Variants in KIRREL3 observed in about 807,000 individuals in gnomAD.
KIRREL3 encodes the protein kin of IRRE-like protein 3.
Under a neutral mutation model 89.7 loss-of-function variants are expected in KIRREL3, and 36 were observed. That is an observed-to-expected ratio of 0.40 (90% CI 0.31 to 0.53). The LOEUF (loss-of-function observed/expected upper bound fraction) is 0.53, where lower values mean the gene tolerates loss of function less well. Among genes scored for constraint, KIRREL3 ranks in the 20% least tolerant of loss-of-function variants. The pLI is 0.49. For missense variants in KIRREL3, 864 were observed against 1,056.6 expected, an observed-to-expected ratio of 0.82 and a Z score of 2.53; for synonymous variants, 445 against 441.4, an observed-to-expected ratio of 1.01 and a Z score of -0.10.
At chr11:126,632,779 G>GCAAC in intron 1 of KIRREL3, among the ~76,000 whole-genome samples, 1 of 141,568 alleles carries the variant, frequency 7.1e-6, no homozygotes, top group African/African-American at 2.8e-5. Context: ...CCAGGCACTT[G>GCAAC]GAGTCTAAAC....
rs1041850342 is a variant in KIRREL3, at chr11:126,977,650, G to A, written c.55+22805C>T. Among the ~76,000 whole-genome samples, 5 of 152,190 alleles carry A rather than the reference G, an allele frequency of 3.3e-5. No individual in the cohort carries two copies. Among genetic ancestry groups the A allele is most frequent in the African/African-American group, 9.7e-5 (4 of 41,448 alleles). Reference sequence around the variant, plus strand: ...AATGCCTGGCACATAGTGGGTGTTCGATAAATATTTGTTGAAAAAGTGAAA... The same window carrying A: ...AATGCCTGGCACATAGTGGGTGTTCAATAAATATTTGTTGAAAAAGTGAAA... On this transcript the variant is annotated intron_variant, in intron 1 of 16. Coordinates refer to ENST00000525144, the MANE Select transcript of KIRREL3 (RefSeq NM_032531.4). This position sits in a 1 kb window ranked among gnomAD's most constrained non-coding sequence, Gnocchi z 4.7.
At position 126,946,607 on chromosome 11, in the gene KIRREL3, G is replaced by A. The variant is rs368031504; in HGVS notation, c.55+53848C>T. 6.6e-6 allele frequency among the ~76,000 whole-genome samples: 1 copy of A among 152,094 alleles called. No individual in the cohort carries two copies. Among genetic ancestry groups the A allele is most frequent in the Non-Finnish European group, 1.5e-5 (1 of 68,022 alleles). Reference sequence around the variant, plus strand: ...TGTTTTATGTCAGTTACTATGATAAGAGCTCATAAAATATGTCCCAATATC... The same window carrying A: ...TGTTTTATGTCAGTTACTATGATAAAAGCTCATAAAATATGTCCCAATATC... On this transcript the variant is annotated intron_variant, in intron 1 of 16. Coordinates refer to ENST00000525144, the MANE Select transcript of KIRREL3 (RefSeq NM_032531.4). This position sits in a 1 kb window ranked among gnomAD's most constrained non-coding sequence, Gnocchi z 4.1.
rs184090853 is a variant in KIRREL3 at position 126,484,442 on chromosome 11, G to C, written c.434-10976C>G. On this transcript the variant is annotated intron_variant, in intron 4 of 16. Transcript: ENST00000525144. The surrounding 1 kb of genome is among the most constrained non-coding windows in gnomAD (Gnocchi z 5.2). ...CTTTAATCCTCACAGCTCTATATAA[G>C]GTAGATACAATGACGATGCATATTT... Among the ~76,000 whole-genome samples, 7 of 152,298 alleles carry C rather than the reference G, an allele frequency of 4.6e-5. No homozygotes were observed. The highest frequency in any genetic ancestry group is 6.5e-5 in the Admixed American group (1 of 15,298).
In KIRREL3 at chr11:126,566,960, C is replaced by T. The variant is rs571797784; in HGVS notation, c.56-4048G>A. ...CAACACACTAGCTGGTGATAGTGCCCATGCTGGAACCCATGGCTGATTTTT... is the reference window on the plus strand; with the variant it reads ...CAACACACTAGCTGGTGATAGTGCCTATGCTGGAACCCATGGCTGATTTTT... On this transcript the variant is annotated intron_variant, in intron 1 of 16. Transcript: ENST00000525144. The surrounding 1 kb of genome is among the most constrained non-coding windows in gnomAD (Gnocchi z 4.9). Among the ~76,000 whole-genome samples the T allele has an allele frequency of 6.6e-6, 1 of 152,160 alleles. No individual in the cohort carries two copies.
intron 1 of KIRREL3, among the ~76,000 whole-genome samples, chr11:126,592,887 TGCAGGCTGCC>T (rs1942213313): frequency 6.6e-6 from 1 of 151,976 alleles, no homozygotes. Context: ...AGAGAACCGA[TGCAGGCTGCC>T]GCTGGGAGCA....
intron 4 of KIRREL3, among the ~76,000 whole-genome samples, chr11:126,488,246 C>T (rs1957419228): frequency 6.6e-6 from 1 of 152,220 alleles, no homozygotes; most frequent in African/African-American, 2.4e-5. Flanking sequence ...TGGGGCCACC[C>T]AGGCCCCTGC....
chr11:126,740,630 T>C lies in KIRREL3; in HGVS notation c.56-177718A>G, dbSNP rs1397557426. Reference sequence around the variant, plus strand: ...GGAAGGCCAATAAGATAATAATCCCTTAGCTTGACTGTGGCTCCAAGGGGG... The same window carrying C: ...GGAAGGCCAATAAGATAATAATCCCCTAGCTTGACTGTGGCTCCAAGGGGG... On this transcript the variant is annotated intron_variant, in intron 1 of 16. Transcript: ENST00000525144. This position sits in a 1 kb window ranked among gnomAD's most constrained non-coding sequence, Gnocchi z 6.0. 6.6e-6 allele frequency among the ~76,000 whole-genome samples: 1 copy of C among 152,126 alleles called. No individual in the cohort carries two copies. Among genetic ancestry groups the C allele is most frequent in the Admixed American group, 6.6e-5 (1 of 15,264 alleles).
At position 126,769,175 on chromosome 11, in the gene KIRREL3, T is replaced by C. The variant is rs895077207; in HGVS notation, c.56-206263A>G. On this transcript the variant is annotated intron_variant, in intron 1 of 16. Coordinates refer to ENST00000525144, the MANE Select transcript of KIRREL3 (RefSeq NM_032531.4). The surrounding 1 kb of genome is among the most constrained non-coding windows in gnomAD (Gnocchi z 4.3). ...GGTCCCATCTCTGCCAGTCACTGCT[T>C]TCCCTTCCTCCTACGCTTTCAACAC... Among the ~76,000 whole-genome samples, 5 of 152,200 alleles carry C rather than the reference T, an allele frequency of 3.3e-5. No individual in the cohort carries two copies. Among genetic ancestry groups the C allele is most frequent in the Non-Finnish European group, 7.3e-5 (5 of 68,028 alleles).
At chr11:126,838,562 G>A (rs1021579078) in intron 1 of KIRREL3, among the ~76,000 whole-genome samples, 3 of 152,122 alleles carry the variant, frequency 2.0e-5, no homozygotes, top group Non-Finnish European at 4.4e-5. Flanking sequence ...TTTTTAAAGC[G>A]CCTCCCTCTG....
Position 126,541,765 on chromosome 11 carries a change from C to A in KIRREL3, c.134-15078G>T, listed in dbSNP as rs576667425. On this transcript the variant is annotated intron_variant, in intron 2 of 16. Coordinates refer to ENST00000525144, the MANE Select transcript of KIRREL3 (RefSeq NM_032531.4). The surrounding 1 kb of genome is among the most constrained non-coding windows in gnomAD (Gnocchi z 4.8). The stretch of plus-strand genomic sequence containing the variant: ...AGGGCACTGTTGTGTGCCCACAGCA[C>A]GGGCTTGTGGGCCTGGGTTATTTCT... 5.3e-4 allele frequency among the ~76,000 whole-genome samples: 81 copies of A among 152,040 alleles called. No individual in the cohort carries two copies. The highest frequency in any genetic ancestry group is 3.2e-3 in the Middle Eastern group (1 of 316).
At chr11:126,451,474 A>G (rs1229438165) in intron 7 of KIRREL3, among the ~76,000 whole-genome samples, 2 of 116,498 alleles carry the variant, frequency 1.7e-5, no homozygotes, top group Admixed American at 8.6e-5. Flanking sequence ...GGGCATGTGC[A>G]TGTGTGTGTG....
intron 4 of KIRREL3, among the ~76,000 whole-genome samples, chr11:126,481,141 A>T (rs1307334483): frequency 6.6e-6 from 1 of 152,210 alleles, no homozygotes; most frequent in Non-Finnish European, 1.5e-5. Flanking sequence ...ATACACAAAT[A>T]CATACATAAT....
rs980357192 is a variant in KIRREL3, at chr11:126,531,502, A to G, written c.134-4815T>C. ...CCCGTGCTGGCTAGTCACTAAGGTCACCTGCCTCGAGTTCTCCTCGATGTT... is the reference window on the plus strand; with the variant it reads ...CCCGTGCTGGCTAGTCACTAAGGTCGCCTGCCTCGAGTTCTCCTCGATGTT... On this transcript the variant is annotated intron_variant, in intron 2 of 16. Coordinates refer to ENST00000525144, the MANE Select transcript of KIRREL3 (RefSeq NM_032531.4). This position sits in a 1 kb window ranked among gnomAD's most constrained non-coding sequence, Gnocchi z 4.7. Among the ~76,000 whole-genome samples the G allele has an allele frequency of 1.3e-5, 2 of 151,844 alleles. No individual in the cohort carries two copies. The highest frequency in any genetic ancestry group is 2.4e-5 in the African/African-American group (1 of 41,308).
At chr11:126,595,611 C>T (rs1025238921) in intron 1 of KIRREL3, among the ~76,000 whole-genome samples, 67 of 152,374 alleles carry the variant, frequency 4.4e-4, no homozygotes, top group African/African-American at 1.6e-3. Flanking sequence ...GTGGCTATGA[C>T]TCAGGACTGT....
At chr11:126,794,704 G>A (rs1442823745) in intron 1 of KIRREL3, among the ~76,000 whole-genome samples, 2 of 152,190 alleles carry the variant, frequency 1.3e-5, no homozygotes, top group African/African-American at 4.8e-5. Context: ...CTTACAAAAC[G>A]AAACAGAGTC....
chr11:126,822,131 G>A (rs1943246613), intron 1 of KIRREL3, among the ~76,000 whole-genome samples: 1 of 152,176 alleles, frequency 6.6e-6, no homozygotes, highest in South Asian at 2.1e-4. Flanking sequence ...GCCCCTTGAT[G>A]TCTCTGTCCC....
chr11:126,609,232 C>A lies in KIRREL3; in HGVS notation c.56-46320G>T, dbSNP rs990729420. ...GTTGGGTTCAGAAGGAGAGACTCTC[C>A]AGCCACACCTGTGAAGCTCCAGGCA... On this transcript the variant is annotated intron_variant, in intron 1 of 16. Transcript: ENST00000525144. This position sits in a 1 kb window ranked among gnomAD's most constrained non-coding sequence, Gnocchi z 5.0. Among the ~76,000 whole-genome samples, 26 of 152,294 alleles carry A rather than the reference C, an allele frequency of 1.7e-4. No homozygotes were observed. The highest frequency in any genetic ancestry group is 2.8e-4 in the Non-Finnish European group (19 of 68,032).
intron 1 of KIRREL3, among the ~76,000 whole-genome samples, chr11:126,798,082 A>G (rs1004123758): frequency 1.1e-4 from 16 of 152,006 alleles, no homozygotes; most frequent in African/African-American, 2.7e-4. Flanking sequence ...CATTGCACCC[A>G]CCACAGCCAG....
chr11:126,839,973 A>T (rs1943909940), intron 1 of KIRREL3, among the ~76,000 whole-genome samples: 1 of 152,160 alleles, frequency 6.6e-6, no homozygotes, highest in Non-Finnish European at 1.5e-5. Context: ...TGATTGCAGG[A>T]AGGAAAGTGT....
Sources: allele counts gnomAD v4.1 joint callset (sites outside exome capture counted in the v4.1 genomes callset), GRCh38; gene constraint gnomAD v4.1.1; non-coding constraint Gnocchi (gnomAD v3.1); transcripts MANE v1.5; gene names NCBI Gene and HGNC (gene_info 2026-07-23, HGNC 2026-07-21).